The following SPON1 variants were observed in gnomAD, a reference collection of about 807,000 sequenced individuals.
The protein encoded by SPON1 is spondin-1.
A neutral mutation model predicts 111.7 loss-of-function variants in SPON1; 52 were observed. The observed-to-expected ratio is 0.47, with a 90% confidence interval of 0.37 to 0.59. SPON1 has a LOEUF of 0.59. SPON1 is among the 20% of genes least tolerant of loss of function. SPON1 has a pLI of 0.00. For missense variants in SPON1, 957 were observed against 1,068.5 expected (o/e 0.90, Z 1.46); for synonymous variants, 410 against 395.8 (o/e 1.04, Z -0.43).
At chr11:14,112,296 G>A (rs143014151) in intron 5 of SPON1, among the ~76,000 whole-genome samples, 1 of 152,302 alleles carries the variant, frequency 6.6e-6, no homozygotes, top group East Asian at 1.9e-4. Context: ...TTCTAAACCA[G>A]TGAGTCTCCT....
At chr11:13,986,529 C>A (rs777396622) in intron 2 of SPON1, among the ~76,000 whole-genome samples, 3 of 151,490 alleles carry the variant, frequency 2.0e-5, no homozygotes, top group Non-Finnish European at 4.4e-5. Context: ...TCTCTTCTTG[C>A]TACTTTGAAA....
At position 14,265,849 on chromosome 11, in the gene SPON1, A is replaced by C. The variant is rs1591433140; in HGVS notation, c.*162A>C. ...GATGCCAGAGACATCCTTTCTGAAT[A>C]CTTCTTGATGGGTACAGGCTGAGTG... On this transcript the variant is annotated 3_prime_UTR_variant, in exon 16 of 16. Coordinates refer to ENST00000576479, the MANE Select transcript of SPON1 (RefSeq NM_006108.4). 4 of 808,660 alleles carry C rather than the reference A, an allele frequency of 4.9e-6. No individual in the cohort carries two copies. In the East Asian group the frequency reaches 1.1e-4, roughly 23 times the overall value. The allele number at this position is 808,660 out of a possible 1,614,324, so 50.1% of individuals were successfully genotyped here.
chr11:14,009,799 G>A (rs1304615414), intron 2 of SPON1, among the ~76,000 whole-genome samples: 1 of 152,186 alleles, frequency 6.6e-6, no homozygotes, highest in Non-Finnish European at 1.5e-5. Flanking sequence ...TTCATGTGGA[G>A]GAAGGGTAAG....
At chr11:14,112,952 C>T (rs916751150) in intron 5 of SPON1, among the ~76,000 whole-genome samples, 5 of 152,168 alleles carry the variant, frequency 3.3e-5, no homozygotes, top group African/African-American at 1.2e-4. Context: ...GGATTTCTGG[C>T]CTGCCTGCTC....
intron 6 of SPON1, among the ~76,000 whole-genome samples, chr11:14,189,329 C>G (rs1554934343): frequency 6.6e-6 from 1 of 152,214 alleles, no homozygotes; most frequent in African/African-American, 2.4e-5. Flanking sequence ...TTCATCACCT[C>G]CCACCTCTGA....
intron 6 of SPON1, among the ~76,000 whole-genome samples, chr11:14,178,035 CACACACACAA>C (rs1848196934): frequency 6.8e-6 from 1 of 146,566 alleles, no homozygotes; most frequent in African/African-American, 2.6e-5. Context: ...TGTTGTAAAA[CACACACACAA>C]ACACACACAC....
intron 6 of SPON1, among the ~76,000 whole-genome samples, chr11:14,206,275 C>T (rs781928498): frequency 7.2e-5 from 11 of 152,032 alleles, no homozygotes; most frequent in African/African-American, 1.2e-4. Context: ...CTCACTGCAA[C>T]CTCCGCCTCC....
At chr11:14,256,559 C>A in intron 9 of SPON1, 58 bp from the exon 10 acceptor site, 1 of 1,217,210 alleles carries the variant, frequency 8.2e-7, no homozygotes, top group Non-Finnish European at 1.2e-6. Flanking sequence ...TTCACCTTCC[C>A]CCTACACATT....
intron 5 of SPON1, among the ~76,000 whole-genome samples, chr11:14,119,061 G>A (rs1226926601): frequency 6.6e-6 from 1 of 152,120 alleles, no homozygotes; most frequent in Non-Finnish European, 1.5e-5. Context: ...ATAAAGGGGT[G>A]GTAGAGGATT....
In SPON1 at chr11:14,173,953, G is replaced by A. The variant is rs573756258; in HGVS notation, c.825+38385G>A. Among the ~76,000 whole-genome samples the A allele has an allele frequency of 2.8e-4, 42 of 152,314 alleles. 1 individual carries two copies. Among genetic ancestry groups the A allele is most frequent in the Middle Eastern group, 6.8e-3 (2 of 294 alleles). On this transcript the variant is annotated intron_variant, in intron 6 of 15. Coordinates refer to ENST00000576479, the MANE Select transcript of SPON1 (RefSeq NM_006108.4). ...CGGGTGTCAGGGACCCACTTGAGGAGGCAGTCTGCCCAGTGCTTGTAAAAT... is the reference window on the plus strand; with the variant it reads ...CGGGTGTCAGGGACCCACTTGAGGAAGCAGTCTGCCCAGTGCTTGTAAAAT...
rs61586043 is a variant in SPON1 at position 14,161,121 on chromosome 11, C to A, written c.825+25553C>A. Among the ~76,000 whole-genome samples the A allele has an allele frequency of 2.6e-3, 134 of 51,684 alleles. 7 individuals carry two copies. The highest frequency in any genetic ancestry group is 4.2e-3 in the Non-Finnish European group (122 of 29,302). The allele number at this position is 51,684 out of a possible 152,430, so 33.9% of individuals were successfully genotyped here. Reference sequence around the variant, plus strand: ...ATATATTTTATATATATCTATATATCTATATATTTTATATATATCTATATA... The same window carrying A: ...ATATATTTTATATATATCTATATATATATATATTTTATATATATCTATATA... On this transcript the variant is annotated intron_variant, in intron 6 of 15. Transcript: ENST00000576479.
intron 5 of SPON1, among the ~76,000 whole-genome samples, chr11:14,095,366 C>A (rs533035457): frequency 1.2e-4 from 18 of 151,790 alleles, no homozygotes; most frequent in Non-Finnish European, 1.8e-4. Flanking sequence ...TACAGTTCTC[C>A]AGAGAAACAG....
intron 2 of SPON1, among the ~76,000 whole-genome samples, chr11:14,020,002 A>G (rs1554914645): frequency 6.6e-6 from 1 of 152,224 alleles, no homozygotes; most frequent in Non-Finnish European, 1.5e-5. Flanking sequence ...CAAGGAAAGG[A>G]ACAGGATAGC....
At chr11:14,202,486 G>A (rs1295342948) in intron 6 of SPON1, among the ~76,000 whole-genome samples, 3 of 152,168 alleles carry the variant, frequency 2.0e-5, no homozygotes, top group Non-Finnish European at 4.4e-5. Context: ...AGTGGGGAAG[G>A]GAGGAGGACA....
intron 9 of SPON1, 83 bp downstream of exon 9, chr11:14,255,870 A>G (rs963742399): frequency 7.0e-7 from 1 of 1,432,334 alleles, no homozygotes; most frequent in Admixed American, 2.3e-5. Flanking sequence ...CTCTAGAATC[A>G]TAGAGTCACT....
rs536722085 is a variant in SPON1 at position 14,086,887 on chromosome 11, G to A, written c.676+6866G>A. 2.0e-5 allele frequency among the ~76,000 whole-genome samples: 3 copies of A among 152,244 alleles called. No individual in the cohort carries two copies. In the East Asian group the frequency reaches 5.8e-4, roughly 29 times the overall value. ...GATTTAGTCTTGGGAGGGTGTATGT[G>A]TCCAGGAATTTATCCATTTCTTCTA... is the stretch of plus-strand genomic sequence containing the variant. On this transcript the variant is annotated intron_variant, in intron 5 of 15. Transcript: ENST00000576479.
chr11:14,224,758 T>G, intron 6 of SPON1: 1 of 501,302 alleles, frequency 2.0e-6, no homozygotes. Context: ...CTGAGGGAGA[T>G]ATGAGGCCGG....
At chr11:14,250,434 C>T (rs1235674561) in intron 7 of SPON1, among the ~76,000 whole-genome samples, 12 of 151,046 alleles carry the variant, frequency 7.9e-5, no homozygotes, top group Non-Finnish European at 1.3e-4. Context: ...GTTAACTTAG[C>T]CCAACCCCAC....
chr11:14,237,944 G>C (rs1344143290), intron 6 of SPON1, among the ~76,000 whole-genome samples: 1 of 152,184 alleles, frequency 6.6e-6, no homozygotes, highest in East Asian at 1.9e-4. Flanking sequence ...GTTCATGGTG[G>C]CAACGGGTGT....
Sources: gnomAD v4.1 joint callset for allele counts (sites outside exome capture counted in the v4.1 genomes callset) on GRCh38, gnomAD v4.1.1 for gene constraint, MANE v1.5 for transcripts, NCBI Gene and HGNC (gene_info 2026-07-23, HGNC 2026-07-21) for gene names.